MAPK10: variants seen among roughly 807,000 people sequenced by gnomAD.
The protein encoded by MAPK10 is JNK3 alpha protein kinase.
MAPK10 carries 25 observed loss-of-function variants against 59.3 expected under a neutral mutation model. The observed-to-expected ratio is 0.42, with a 90% CI of 0.31 to 0.59. MAPK10 has a LOEUF of 0.59. Among genes scored for constraint, MAPK10 ranks in the 20% least tolerant of loss-of-function variants. The probability of loss-of-function intolerance (pLI) is 0.15; values close to 1 mark genes in which losing one functional copy is unlikely to be tolerated. For missense variants in MAPK10, 351 were observed against 568.9 expected, an observed-to-expected ratio of 0.62 and a Z score of 3.90; for synonymous variants, 190 against 200.5, an observed-to-expected ratio of 0.95 and a Z score of 0.44.
intron 11 of MAPK10, among the ~76,000 whole-genome samples, chr4:86,035,505 G>C (rs1347747993): frequency 5.3e-5 from 8 of 151,118 alleles, no homozygotes; most frequent in African/African-American, 1.7e-4. Flanking sequence ...GTAACTGTAA[G>C]CAGAGAGAAG....
intron 4 of MAPK10, among the ~76,000 whole-genome samples, chr4:86,109,467 T>C (rs181890359): frequency 9.9e-5 from 15 of 152,272 alleles, no homozygotes; most frequent in Non-Finnish European, 2.1e-4. Flanking sequence ...CTCCCACTTA[T>C]AAGTGAGAAC....
At chr4:86,190,478 G>T (rs1001885913) in intron 3 of MAPK10, among the ~76,000 whole-genome samples, 6 of 152,254 alleles carry the variant, frequency 3.9e-5, no homozygotes, top group Admixed American at 2.6e-4. Context: ...TCTTGGGAGG[G>T]TGTATGTGTC....
intron 1 of MAPK10, among the ~76,000 whole-genome samples, chr4:86,402,038 A>G (rs1038344922): frequency 2.0e-5 from 3 of 152,158 alleles, no homozygotes; most frequent in African/African-American, 7.2e-5. Context: ...TTACTTCCAT[A>G]TGAGCACATG....
chr4:86,433,810 T>C (rs1748363612), intron 1 of MAPK10, among the ~76,000 whole-genome samples: 1 of 152,130 alleles, frequency 6.6e-6, no homozygotes, highest in South Asian at 2.1e-4. Flanking sequence ...CTTCAAGTCA[T>C]CTAAATTAGT....
chr4:86,331,872 C>T (rs2096163112), intron 2 of MAPK10, among the ~76,000 whole-genome samples: 2 of 151,934 alleles, frequency 1.3e-5, no homozygotes, highest in African/African-American at 4.8e-5. Context: ...ATCTACAAGG[C>T]CTGTTTAGAA....
chr4:86,486,428 T>C (rs1480274645), intron 1 of MAPK10, among the ~76,000 whole-genome samples: 1 of 152,206 alleles, frequency 6.6e-6, no homozygotes, highest in East Asian at 1.9e-4. Flanking sequence ...TTTGACAATA[T>C]ACCCACAATC....
chr4:86,181,783 T>C (rs941152916), intron 3 of MAPK10, among the ~76,000 whole-genome samples: 2 of 152,074 alleles, frequency 1.3e-5, no homozygotes, highest in Non-Finnish European at 2.9e-5. Context: ...AACTTAGTAG[T>C]AATGCACAAA....
intron 4 of MAPK10, among the ~76,000 whole-genome samples, chr4:86,150,932 T>G (rs2066289137): frequency 6.6e-6 from 1 of 152,086 alleles, no homozygotes; most frequent in Non-Finnish European, 1.5e-5. Flanking sequence ...CTTCAGACTA[T>G]CAAGAAGTGT....
intron 1 of MAPK10, among the ~76,000 whole-genome samples, chr4:86,488,959 A>G (rs1038133581): frequency 6.6e-6 from 1 of 152,226 alleles, no homozygotes; most frequent in Admixed American, 6.5e-5. Context: ...AGAGGCTTGA[A>G]AAGTGTTTGC....
chr4:86,174,085 C>T (rs1306192927), intron 3 of MAPK10, among the ~76,000 whole-genome samples: 12 of 152,132 alleles, frequency 7.9e-5, no homozygotes, highest in East Asian at 1.9e-4. Context: ...GATCTAGAAC[C>T]GGAAATACCA....
At chr4:86,312,503 C>T (rs1424758180) in intron 2 of MAPK10, among the ~76,000 whole-genome samples, 1 of 152,066 alleles carries the variant, frequency 6.6e-6, no homozygotes, top group African/African-American at 2.4e-5. Flanking sequence ...AAATGTATTA[C>T]ATTGTATCTG....
intron 1 of MAPK10, among the ~76,000 whole-genome samples, chr4:86,517,685 CCTTT>C (rs1194493886): frequency 6.6e-6 from 1 of 152,020 alleles, no homozygotes; most frequent in African/African-American, 2.4e-5. Flanking sequence ...TTACTTAGGT[CCTTT>C]CTTAGTTTTA....
At chr4:86,075,367 A>G (rs1159430481) in intron 9 of MAPK10, among the ~76,000 whole-genome samples, 20 of 151,980 alleles carry the variant, frequency 1.3e-4, no homozygotes, top group Non-Finnish European at 2.4e-4. Context: ...GAGTAATTTG[A>G]TCATCTGAAG....
Position 86,182,906 on chromosome 4 carries a change from A to G in MAPK10, c.66+11430T>C, listed in dbSNP as rs535501971. Among the ~76,000 whole-genome samples the G allele has an allele frequency of 2.0e-5, 3 of 152,212 alleles. No homozygotes were observed. In the South Asian group the frequency reaches 6.2e-4, roughly 32 times the overall value. On this transcript the variant is annotated intron_variant, in intron 3 of 13. Transcript: ENST00000641462. ...CAGTCATTAAGAAAGTTCATGCTTC[A>G]CTTCTTTTTATTCCTTTGCTTTAAA...
rs568431822 is a variant in MAPK10, at chr4:86,381,384, T to C, written c.-121-26740A>G. On this transcript the variant is annotated intron_variant, in intron 1 of 13. Transcript: ENST00000361569. Reference sequence around the variant, plus strand: ...CACCATCAGGCTCTCCACAGACTGCTGCAGTAACCTTCTAATATTCACACT... The same window carrying C: ...CACCATCAGGCTCTCCACAGACTGCCGCAGTAACCTTCTAATATTCACACT... Among the ~76,000 whole-genome samples, 3 of 152,282 alleles carry C rather than the reference T, an allele frequency of 2.0e-5. No homozygotes were observed. The South Asian group carries it at 6.2e-4, about 32-fold the overall frequency.
chr4:86,299,952 G>C (rs909224954), intron 2 of MAPK10, among the ~76,000 whole-genome samples: 1 of 151,758 alleles, frequency 6.6e-6, no homozygotes, highest in Non-Finnish European at 1.5e-5. Flanking sequence ...GAGTCCAATG[G>C]TGCAATCTCT....
chr4:86,495,986 G>T (rs1754842156), intron 1 of MAPK10, among the ~76,000 whole-genome samples: 2 of 152,200 alleles, frequency 1.3e-5, no homozygotes, highest in South Asian at 2.1e-4. Flanking sequence ...TATAATTCAT[G>T]CCAGAAGATA....
At chr4:86,136,873 G>C (rs906237076) in intron 4 of MAPK10, among the ~76,000 whole-genome samples, 3 of 152,062 alleles carry the variant, frequency 2.0e-5, no homozygotes, top group Admixed American at 6.5e-5. Context: ...AAAAAAGGCA[G>C]GGGTTGTAAT....
At chr4:86,535,929 C>G (rs1758207359) in intron 1 of MAPK10, among the ~76,000 whole-genome samples, 1 of 152,154 alleles carries the variant, frequency 6.6e-6, no homozygotes, top group African/African-American at 2.4e-5. Flanking sequence ...TCTATGGCCA[C>G]TGTGCTCTTA....
Sources: allele counts gnomAD v4.1 joint callset (sites outside exome capture counted in the v4.1 genomes callset), GRCh38; gene constraint gnomAD v4.1.1; transcripts MANE v1.5; gene names NCBI Gene and HGNC (gene_info 2026-07-23, HGNC 2026-07-21).